The following SEM1 variants were observed in gnomAD, a reference collection of about 807,000 sequenced individuals.
SEM1 encodes SEM1 26S proteasome subunit, also known as 26S proteasome complex subunit SEM1.
A neutral mutation model predicts 12.7 loss-of-function variants in SEM1; 3 were observed. The observed-to-expected ratio is 0.24, with a 90% CI of 0.11 to 0.61. The LOEUF (loss-of-function observed/expected upper bound fraction) is 0.61. Among genes scored for constraint, SEM1 ranks in the 20% least tolerant of loss-of-function variants. SEM1 has a pLI of 0.88. For synonymous variants in SEM1, 30 were observed against 27.8 expected (o/e 1.08, Z -0.25); for missense variants, 59 against 81.3 (o/e 0.73, Z 1.06).
intron 2 of SEM1, among the ~76,000 whole-genome samples, chr7:96,521,589 C>T (rs1349954861): frequency 2.0e-5 from 3 of 152,108 alleles, no homozygotes; most frequent in African/African-American, 4.8e-5. Flanking sequence ...ACACACAACT[C>T]GGCACGGTAT....
upstream of SEM1, among the ~76,000 whole-genome samples, chr7:96,497,512 G>C (rs1447393405): frequency 6.6e-6 from 1 of 152,148 alleles, no homozygotes; most frequent in Admixed American, 6.6e-5. Context: ...AACCTGTATA[G>C]TCTCTAATGT....
chr7:96,492,217 A>G (rs1803039016), intron 1 of SEM1, among the ~76,000 whole-genome samples: 1 of 152,102 alleles, frequency 6.6e-6, no homozygotes, highest in Non-Finnish European at 1.5e-5. Flanking sequence ...GTACCCATTA[A>G]ACAATAACTC....
At chr7:96,504,482 G>A (rs1803683174) in intron 3 of SEM1, among the ~76,000 whole-genome samples, 1 of 151,924 alleles carries the variant, frequency 6.6e-6, no homozygotes, top group African/African-American at 2.4e-5. Flanking sequence ...CCAGCTTATG[G>A]CCAATTTGAT....
intron 1 of SEM1, among the ~76,000 whole-genome samples, chr7:96,700,743 C>A (rs548903724): frequency 2.0e-5 from 3 of 152,114 alleles, no homozygotes; most frequent in Non-Finnish European, 2.9e-5. Flanking sequence ...TCCATAGAAC[C>A]AATGAAATAG....
At chr7:96,524,771 A>G (rs1409456359) in intron 2 of SEM1, among the ~76,000 whole-genome samples, 1 of 152,118 alleles carries the variant, frequency 6.6e-6, no homozygotes. Context: ...TTATGCTTCT[A>G]GAACATCTCA....
chr7:96,522,705 C>A (rs1329734955), intron 2 of SEM1, among the ~76,000 whole-genome samples: 1 of 139,768 alleles, frequency 7.2e-6, no homozygotes, highest in Non-Finnish European at 1.5e-5. Context: ...TGGAGAAACC[C>A]CGTCTCTACT....
At chr7:96,532,452 A>G (rs1461553275) in intron 2 of SEM1, among the ~76,000 whole-genome samples, 3 of 152,148 alleles carry the variant, frequency 2.0e-5, no homozygotes, top group African/African-American at 4.8e-5. Context: ...AATGTTTACT[A>G]TGAGAATTTG....
chr7:96,552,046 G>T lies in SEM1; in HGVS notation c.171-45348C>A, dbSNP rs564118179. On this transcript the variant is annotated intron_variant and NMD_transcript_variant, in intron 2 of 3. Coordinates refer to the SEM1 transcript ENST00000466986. ...CCTCGCAGGAGTCTCACATCCCACA[G>T]GAATGGTCCAGTGCCAGCACTCTGT... Among the ~76,000 whole-genome samples the T allele has an allele frequency of 7.2e-5, 11 of 152,298 alleles. No individual in the cohort carries two copies. In the East Asian group the frequency reaches 2.1e-3, roughly 29 times the overall value.
At chr7:96,520,621 CAGGT>C (rs957267756) in intron 2 of SEM1, among the ~76,000 whole-genome samples, 3 of 152,100 alleles carry the variant, frequency 2.0e-5, no homozygotes, top group African/African-American at 7.2e-5. Context: ...GAAGGGCCAA[CAGGT>C]AGGGAGAAGT....
intron 2 of SEM1, among the ~76,000 whole-genome samples, chr7:96,565,258 C>A (rs1395587770): frequency 1.3e-5 from 2 of 151,838 alleles, no homozygotes; most frequent in East Asian, 1.9e-4. Flanking sequence ...CCCAAATAGG[C>A]TAATTGTTTT....
chr7:96,611,469 A>C (rs954458081), intron 2 of SEM1, among the ~76,000 whole-genome samples: 3 of 152,224 alleles, frequency 2.0e-5, no homozygotes, highest in African/African-American at 7.2e-5. Flanking sequence ...GAATATGAGC[A>C]AAAGTTACAT....
At chr7:96,694,404 A>T (rs1187176017) in intron 2 of SEM1, among the ~76,000 whole-genome samples, 6 of 152,022 alleles carry the variant, frequency 3.9e-5, no homozygotes, top group African/African-American at 7.2e-5. Flanking sequence ...AATATGACAC[A>T]GTACATTCTC....
chr7:96,553,975 C>G (rs893618162), intron 2 of SEM1, among the ~76,000 whole-genome samples: 1 of 151,636 alleles, frequency 6.6e-6, no homozygotes, highest in African/African-American at 2.4e-5. Flanking sequence ...TGGGAGTTCA[C>G]TCATGATTTG....
chr7:96,605,195 C>T (rs772374370), intron 2 of SEM1, among the ~76,000 whole-genome samples: 4 of 152,082 alleles, frequency 2.6e-5, no homozygotes, highest in Non-Finnish European at 5.9e-5. Context: ...GACAATTAAC[C>T]TAGTGAGGAA....
intron 2 of SEM1, among the ~76,000 whole-genome samples, chr7:96,631,493 G>A (rs1808259282): frequency 6.7e-6 from 1 of 149,632 alleles, no homozygotes; most frequent in Admixed American, 6.7e-5. Context: ...GTCACAGGAT[G>A]AGGGAGGGGT....
At position 96,546,352 on chromosome 7, in the gene SEM1, C is replaced by T. The variant is rs139115294; in HGVS notation, c.171-39654G>A. On this transcript the variant is annotated intron_variant and NMD_transcript_variant, in intron 2 of 3. Coordinates refer to the SEM1 transcript ENST00000466986. ...CTCATCTTGAACTGAATACACACTC[C>T]TCATACTCTCAAACCAATTGTCACA... Among the ~76,000 whole-genome samples the T allele has an allele frequency of 3.0e-3, 451 of 152,160 alleles. 2 individuals are homozygous for T. Among genetic ancestry groups the T allele is most frequent in the African/African-American group, 0.01 (425 of 41,540 alleles).
chr7:96,578,495 T>A (rs1176541617), intron 2 of SEM1, among the ~76,000 whole-genome samples: 1 of 152,136 alleles, frequency 6.6e-6, no homozygotes, highest in African/African-American at 2.4e-5. Flanking sequence ...CAGTGAAACA[T>A]CTTCCAATGT....
intron 2 of SEM1, among the ~76,000 whole-genome samples, chr7:96,537,492 C>T (rs1325635308): frequency 6.6e-6 from 1 of 151,486 alleles, no homozygotes; most frequent in Non-Finnish European, 1.5e-5. Flanking sequence ...AGTATTTCTC[C>T]CTCACTTTTA....
chr7:96,627,122 A>G (rs908607340), intron 2 of SEM1, among the ~76,000 whole-genome samples: 3 of 151,976 alleles, frequency 2.0e-5, no homozygotes, highest in Non-Finnish European at 2.9e-5. Context: ...TCTCCTCTTC[A>G]TCTGCAATTT....
Sources: gnomAD v4.1 joint callset for allele counts (sites outside exome capture counted in the v4.1 genomes callset) on GRCh38, gnomAD v4.1.1 for gene constraint, MANE v1.5 for transcripts, NCBI Gene and HGNC (gene_info 2026-07-23, HGNC 2026-07-21) for gene names.